Variants in DDX49 observed in about 807,000 individuals in gnomAD.
DDX49 encodes the protein DEAD-box helicase 49, also known as probable ATP-dependent RNA helicase DDX49.
In DDX49, 50 loss-of-function variants were observed where a neutral mutation model predicts 56.3. The observed-to-expected ratio is 0.89, with a 90% CI of 0.71 to 1.12. The LOEUF (loss-of-function observed/expected upper bound fraction) is 1.12. Ranked by LOEUF, DDX49 falls within the 50% of genes most tolerant of loss-of-function variation. DDX49 has a pLI of 0.00. For synonymous variants in DDX49, 269 were observed against 270.6 expected (o/e 0.99, Z 0.06); for missense variants, 614 against 650.5 (o/e 0.94, Z 0.61).
rs372388947 is a variant in DDX49, at chr19:18,922,632, C to T, written c.664C>T (p.Arg222Cys). ...PVSTVEQLDQ[R>C]YLLVPEKVKD... ...GAGCACCGTGGAGCAGCTGGACCAG[C>T]GCTACCTGCTGGTGCCTGAGAAGGT... The change falls in exon 6 of 13, where the codon CGC becomes TGC. Residue 222 changes from arginine to cysteine, a missense_variant. Arg to Cys is a radical substitution (Grantham distance 180). Coordinates refer to ENST00000247003, the MANE Select transcript of DDX49 (RefSeq NM_019070.5). 30 of 1,613,760 alleles carry T rather than the reference C, an allele frequency of 1.9e-5. No homozygotes were observed. The highest frequency in any genetic ancestry group is 1.2e-4 in the Admixed American group (7 of 60,016).
At chr19:18,927,465 G>A (rs753225277) in intron 10 of DDX49, among the ~76,000 whole-genome samples, 1 of 151,794 alleles carries the variant, frequency 6.6e-6, no homozygotes, top group Non-Finnish European at 1.5e-5. Context: ...TGCTAACACC[G>A]AAAAAAAATG....
At chr19:18,926,236 G>A in intron 9 of DDX49, 67 bp from the exon 10 acceptor site, 2 of 1,500,708 alleles carry the variant, frequency 1.3e-6, no homozygotes, top group Admixed American at 2.0e-5. Flanking sequence ...TAGCTGTCAG[G>A]ATCTACCTTT....
chr19:18,920,856 A>G (rs1304124037), intron 2 of DDX49, 153 bp downstream of exon 2: 11 of 735,512 alleles, frequency 1.5e-5, no homozygotes, highest in Non-Finnish European at 2.3e-5. Flanking sequence ...ATTAAACAAG[A>G]TGGCCCCGGT....
Position 18,919,823 on chromosome 19 carries a change from G to T in DDX49, c.82G>T (p.Val28Leu). 6.2e-7 allele frequency: 1 copy of T among 1,605,820 alleles called. No individual in the cohort carries two copies. The highest frequency in any genetic ancestry group is 8.5e-7 in the Non-Finnish European group (1 of 1,173,684). The change falls in exon 1 of 13, where the codon GTG becomes TTG. Residue 28 changes from valine to leucine, a missense_variant. Physicochemically the swap from Val to Leu is conservative, Grantham distance 32. Transcript: ENST00000247003. ...GCTGGGTTTGAAGCAGCCCACGCCC[G>T]TGCAGCTCGGCTGCATCCCCGCCAT... is the stretch of plus-strand genomic sequence containing the variant. ...RQLGLKQPTP[V>L]QLGCIPAILE...
rs1260444073 is a variant in DDX49 at position 18,922,427 on chromosome 19, G to A, written c.549G>A (p.Leu183=). Residue 183 remains leucine, a synonymous_variant, in exon 5 of 13, where the codon CTG becomes CTA. Coordinates refer to ENST00000247003, the MANE Select transcript of DDX49 (RefSeq NM_019070.5). ...CTGTGCCGGCCCGCAGGCAGACACT[G>A]CTGTTCAGCGCCACGCTGACCGACA... The part of the protein sequence containing the change: ...LAAVPARRQT[L]LFSATLTDTL... The A allele has an allele frequency of 6.2e-7, 1 of 1,607,692 alleles. No individual in the cohort carries two copies.
intron 10 of DDX49, among the ~76,000 whole-genome samples, chr19:18,927,217 GA>G (rs1282063768): frequency 6.6e-6 from 1 of 152,052 alleles, no homozygotes; most frequent in African/African-American, 2.4e-5. Context: ...GCAATGTGGA[GA>G]AACCCTGCCT....
chr19:18,924,527 C>T lies in DDX49; in HGVS notation c.853-96C>T, dbSNP rs986776632. 258 of 1,384,938 alleles carry T rather than the reference C, an allele frequency of 1.9e-4. 2 individuals are homozygous for T. Among genetic ancestry groups the T allele is most frequent in the Middle Eastern group, 5.3e-4 (3 of 5,634 alleles). 85.8% of individuals were successfully genotyped at this position (1,384,938 alleles called of 1,614,324 possible). A position where few individuals can be genotyped will look rare whatever the true frequency, so the allele number is the denominator to read the frequency against. On this transcript the variant is annotated intron_variant, in intron 7 of 12. Transcript: ENST00000247003. Reference sequence around the variant, plus strand: ...TCTCATGGCCACCTTCCTCAATGGACGGCTGGGGACTGTCCCGGCCTCCAC... The same window carrying T: ...TCTCATGGCCACCTTCCTCAATGGATGGCTGGGGACTGTCCCGGCCTCCAC...
chr19:18,924,640 C>T lies in DDX49; in HGVS notation c.870C>T (p.Ala290=), dbSNP rs746400486. 1.2e-6 allele frequency: 2 copies of T among 1,614,108 alleles called. No individual in the cohort carries two copies. Among genetic ancestry groups the T allele is most frequent in the African/African-American group, 1.3e-5 (1 of 74,922 alleles). The change falls in exon 8 of 13, where the codon GCC becomes GCT. Residue 290 remains alanine, a synonymous_variant. Coordinates refer to ENST00000247003, the MANE Select transcript of DDX49 (RefSeq NM_019070.5). ...SMMKQKERFA[A]LAKFKSSIYR... ...CTGTGCAGAAAGAACGCTTTGCCGCCCTAGCCAAGTTCAAGTCCAGCATCT... is the reference window on the plus strand; with the variant it reads ...CTGTGCAGAAAGAACGCTTTGCCGCTCTAGCCAAGTTCAAGTCCAGCATCT...
chr19:18,928,258 C>A lies in DDX49; in HGVS notation c.1394C>A (p.Pro465Gln). ...KAGRAGHKGR[P>Q]PRTPSGSHSG... ...GGCAGGGCTGGCCACAAGGGGCGTC[C>A]ACCCAGGACACCGTCTGGGTCCCAC... Residue 465 changes from proline (P) to glutamine (Q), a missense_variant, in exon 13 of 13, where the codon CCA (proline) becomes CAA (glutamine). Coordinates refer to ENST00000247003, the MANE Select transcript of DDX49 (RefSeq NM_019070.5). 1 of 1,586,540 alleles carries A rather than the reference C, an allele frequency of 6.3e-7. No homozygotes were observed. The highest frequency in any genetic ancestry group is 8.6e-7 in the Non-Finnish European group (1 of 1,166,720).
rs574573260 is a variant in DDX49, at chr19:18,922,799, G to A, written c.776+55G>A. On this transcript the variant is annotated intron_variant, in intron 6 of 12. Coordinates refer to ENST00000247003, the MANE Select transcript of DDX49 (RefSeq NM_019070.5). ...CGCCCTTCAAAGGAGGAGGTGGCCC[G>A]ACGTCTTTGGTCTGGGACACACAGC... The A allele has an allele frequency of 6.9e-5, 110 of 1,583,952 alleles. 1 individual carries two copies. In the African/African-American group the frequency reaches 1.1e-3, roughly 16 times the overall value.
chr19:18,922,745 G>C lies in DDX49; in HGVS notation c.776+1G>C. On this transcript the variant is annotated splice_donor_variant, in intron 6 of 12. Coordinates refer to ENST00000247003, the MANE Select transcript of DDX49 (RefSeq NM_019070.5). LOFTEE classifies it high-confidence loss of function. ...TTATCATCTTCACCAACACGTGCAAGTGAGCGGGGCCCGCCTCTCCCCTCC... is the reference window on the plus strand; with the variant it reads ...TTATCATCTTCACCAACACGTGCAACTGAGCGGGGCCCGCCTCTCCCCTCC... The C allele has an allele frequency of 6.2e-7, 1 of 1,604,798 alleles. No individual in the cohort carries two copies. Among genetic ancestry groups the C allele is most frequent in the Non-Finnish European group, 8.5e-7 (1 of 1,175,066 alleles).
chr19:18,921,531 A>T, intron 2 of DDX49, 132 bp from the exon 3 acceptor site: 1 of 831,996 alleles, frequency 1.2e-6, no homozygotes, highest in Non-Finnish European at 2.0e-6. Flanking sequence ...GCTCAGCATC[A>T]GAGCCTTTGT....
Position 18,920,653 on chromosome 19 carries a change from G to A in DDX49, c.189G>A (p.Lys63=), listed in dbSNP as rs2056907507. Residue 63 remains lysine (K), a synonymous_variant, in exon 2 of 13, where the codon AAG becomes AAA. Transcript: ENST00000247003. The part of the protein sequence containing the change: ...TAAFVLPILQ[K]LSEDPYGIFC... ...CGTTTGTCCTTCCCATCTTGCAGAAGCTGTCTGAGGATCCCTATGGCATCT... is the reference window on the plus strand; with the variant it reads ...CGTTTGTCCTTCCCATCTTGCAGAAACTGTCTGAGGATCCCTATGGCATCT... 1 of 1,611,828 alleles carries A rather than the reference G, an allele frequency of 6.2e-7. No individual in the cohort carries two copies. The highest frequency in any genetic ancestry group is 8.5e-7 in the Non-Finnish European group (1 of 1,178,104).
Position 18,922,002 on chromosome 19 carries a change from G to A in DDX49, c.447+38G>A, listed in dbSNP as rs1395101706. On this transcript the variant is annotated intron_variant, in intron 4 of 12. Transcript: ENST00000247003. ...CGCCCCTGCAGACCTCAGGAGCTGG[G>A]CTCGGAGCCTCCAGGCCCAATGTCA... 4 of 1,578,094 alleles carry A rather than the reference G, an allele frequency of 2.5e-6. No homozygotes were observed. The South Asian group carries it at 3.4e-5, about 13-fold the overall frequency.
chr19:18,926,298 C>A lies in DDX49; in HGVS notation c.1028-5C>A. On this transcript the variant is annotated splice_region_variant and splice_polypyrimidine_tract_variant and intron_variant, in intron 9 of 12. Coordinates refer to ENST00000247003, the MANE Select transcript of DDX49 (RefSeq NM_019070.5). The stretch of plus-strand genomic sequence containing the variant: ...ACATAGCAGATAACCGGCACATCCC[C>A]ACAGGGCGGCAGGGTCAGGCCATCA... 1 of 1,570,934 alleles carries A rather than the reference C, an allele frequency of 6.4e-7. No homozygotes were observed. The highest frequency in any genetic ancestry group is 8.6e-7 in the Non-Finnish European group (1 of 1,157,818).
chr19:18,927,855 G>T lies in DDX49; in HGVS notation c.1191+1G>T, dbSNP rs1007683547. The T allele has an allele frequency of 6.2e-7, 1 of 1,613,912 alleles. No homozygotes were observed. Among genetic ancestry groups the T allele is most frequent in the Non-Finnish European group, 8.5e-7 (1 of 1,180,014 alleles). On this transcript the variant is annotated splice_donor_variant, in intron 11 of 12. Transcript: ENST00000247003. LOFTEE classifies it high-confidence loss of function. Reference sequence around the variant, plus strand: ...CGTGGTGCGAAGAGAGTGTGAGATCGTGAGTGTCAGAGGCGGGCAGGAACT... The same window carrying T: ...CGTGGTGCGAAGAGAGTGTGAGATCTTGAGTGTCAGAGGCGGGCAGGAACT...
Position 18,921,850 on chromosome 19 carries a change from G to T in DDX49, c.333G>T (p.Val111=). The change falls in exon 4 of 13, where the codon GTG becomes GTT. Residue 111 remains valine (V), a synonymous_variant. Coordinates refer to ENST00000247003, the MANE Select transcript of DDX49 (RefSeq NM_019070.5). ...DCIIVGGMDM[V]AQALELSRKP... is the part of the protein sequence containing the mutation. Reference sequence around the variant, plus strand: ...TCATGCTCTGTCCCCCAGACATGGTGGCCCAGGCGCTGGAGCTCTCTCGGA... The same window carrying T: ...TCATGCTCTGTCCCCCAGACATGGTTGCCCAGGCGCTGGAGCTCTCTCGGA... 6.2e-7 allele frequency: 1 copy of T among 1,614,008 alleles called. No homozygotes were observed.
At position 18,922,274 on chromosome 19, in the gene DDX49, A is replaced by T. The variant is rs764006942; in HGVS notation, c.448-52A>T. 5.1e-6 allele frequency: 8 copies of T among 1,577,326 alleles called. No individual in the cohort carries two copies. In the Admixed American group the frequency reaches 7.4e-5, roughly 15 times the overall value. On this transcript the variant is annotated intron_variant, in intron 4 of 12. Coordinates refer to ENST00000247003, the MANE Select transcript of DDX49 (RefSeq NM_019070.5). ...AAGAGGCCTGCTTCAGGGGTGGCCA[A>T]GACCCGGGGCCATGGACGGCACCCT...
intron 9 of DDX49, among the ~76,000 whole-genome samples, chr19:18,925,369 C>T (rs1221649908): frequency 6.6e-6 from 1 of 151,814 alleles, no homozygotes; most frequent in African/African-American, 2.4e-5. Context: ...GCCTGGCCAA[C>T]ATAGTGAAAC....
Sources: gnomAD v4.1 joint callset for allele counts (sites outside exome capture counted in the v4.1 genomes callset) on GRCh38, gnomAD v4.1.1 for gene constraint, MANE v1.5 for transcripts, NCBI Gene and HGNC (gene_info 2026-07-23, HGNC 2026-07-21) for gene names.